The following SMAD3 variants were observed in gnomAD, a reference collection of about 807,000 sequenced individuals.
SMAD3 encodes SMAD family member 3, also known as MAD homolog 3.
SMAD3 carries 12 observed loss-of-function variants against 51.8 expected under a neutral mutation model. That is an observed-to-expected ratio of 0.23 (90% CI 0.15 to 0.38). SMAD3 has a LOEUF of 0.38. Among genes scored for constraint, SMAD3 ranks in the 10% least tolerant of loss-of-function variants. The pLI, the probability that SMAD3 is intolerant of heterozygous loss-of-function variation, is 1.00. For synonymous variants in SMAD3, 238 were observed against 227.7 expected, an observed-to-expected ratio of 1.05 and a Z score of -0.41; for missense variants, 294 against 565.6, an observed-to-expected ratio of 0.52 and a Z score of 4.87.
intron 1 of SMAD3, among the ~76,000 whole-genome samples, chr15:67,117,751 A>G (rs1248473071): frequency 6.6e-6 from 1 of 152,256 alleles, no homozygotes; most frequent in East Asian, 1.9e-4. Flanking sequence ...ATAGAAGCAC[A>G]TAGTACTAAG....
At chr15:67,080,669 A>C (rs988572563) in intron 1 of SMAD3, among the ~76,000 whole-genome samples, 3 of 152,168 alleles carry the variant, frequency 2.0e-5, no homozygotes, top group Non-Finnish European at 4.4e-5. Context: ...AGAATTTTGG[A>C]AGGCCTTGAG....
At chr15:67,085,762 C>T (rs540575682) in intron 1 of SMAD3, among the ~76,000 whole-genome samples, 34 of 152,096 alleles carry the variant, frequency 2.2e-4, no homozygotes, top group Middle Eastern at 3.4e-3. Flanking sequence ...CGGTATGTGG[C>T]CGGGATTGAG....
intron 7 of SMAD3, 108 bp downstream of exon 7, chr15:67,184,972 C>T (rs1963184782): frequency 1.0e-5 from 14 of 1,384,608 alleles, no homozygotes; most frequent in Middle Eastern, 2.5e-4. Flanking sequence ...CTCATGATTG[C>T]GTTGTCAATC....
At chr15:67,184,101 C>CTT (rs557069329) in intron 6 of SMAD3, among the ~76,000 whole-genome samples, 12 of 136,788 alleles carry the variant, frequency 8.8e-5, no homozygotes, top group African/African-American at 8.1e-5. Flanking sequence ...TCATCATTCC[C>CTT]TTTTTTTTTT....
chr15:67,141,431 G>A (rs567611153), intron 1 of SMAD3, among the ~76,000 whole-genome samples: 1 of 152,228 alleles, frequency 6.6e-6, no homozygotes, highest in Admixed American at 6.5e-5. Context: ...GGGGAATGTT[G>A]GGGAAAGACC....
At chr15:67,080,604 C>T (rs1364821105) in intron 1 of SMAD3, among the ~76,000 whole-genome samples, 1 of 152,176 alleles carries the variant, frequency 6.6e-6, no homozygotes, top group African/African-American at 2.4e-5. Flanking sequence ...TAGCTCTGGG[C>T]TTCAAAGGGA....
intron 8 of SMAD3, among the ~76,000 whole-genome samples, chr15:67,188,215 A>G (rs1963274986): frequency 7.3e-6 from 1 of 136,334 alleles, no homozygotes. Flanking sequence ...GAGTGGCACC[A>G]TCTTGGCTTA....
At chr15:67,165,486 C>G in intron 3 of SMAD3, 102 bp downstream of exon 3, 1 of 1,388,526 alleles carries the variant, frequency 7.2e-7, no homozygotes, top group Non-Finnish European at 1.0e-6. Context: ...CCGTCCCCCG[C>G]TCACCCCCTC....
chr15:67,066,644 T>A (rs1317723584), intron 1 of SMAD3, among the ~76,000 whole-genome samples: 3 of 152,098 alleles, frequency 2.0e-5, no homozygotes, highest in Non-Finnish European at 2.9e-5. Context: ...GGAGAGCGGG[T>A]TGCTGCGGGA....
rs141662896 is a variant in SMAD3, at chr15:67,128,976, G to A, written c.207-35919G>A. 3.3e-5 allele frequency among the ~76,000 whole-genome samples: 5 copies of A among 152,268 alleles called. No homozygotes were observed. In the East Asian group the frequency reaches 5.8e-4, roughly 18 times the overall value. ...TGCGTGGTGGATGGATGTCATTTGCGTTTTACAGATGCGGCAACAGAAACT... is the reference window on the plus strand; with the variant it reads ...TGCGTGGTGGATGGATGTCATTTGCATTTTACAGATGCGGCAACAGAAACT... On this transcript the variant is annotated intron_variant, in intron 1 of 8. Transcript: ENST00000327367.
intron 1 of SMAD3, among the ~76,000 whole-genome samples, chr15:67,152,471 C>T (rs983563692): frequency 6.6e-6 from 1 of 152,186 alleles, no homozygotes; most frequent in Non-Finnish European, 1.5e-5. Flanking sequence ...TTGTGACTTA[C>T]TCCATTTCAA....
At position 67,186,350 on chromosome 15, in the gene SMAD3, A is replaced by AC. The variant is rs1963222136; in HGVS notation, c.1010-1010dup. On this transcript the variant is annotated intron_variant, in intron 7 of 8. Transcript: ENST00000327367. ...TCTGCCTCTTCCATTCCCCGGCCCCACCCCCATCTTTTGGGTGAGGGCTGA... is the reference window on the plus strand; with the variant it reads ...TCTGCCTCTTCCATTCCCCGGCCCCACCCCCCATCTTTTGGGTGAGGGCTGA... Among the ~76,000 whole-genome samples, 4 of 151,688 alleles carry AC rather than the reference A, an allele frequency of 2.6e-5. No homozygotes were observed. The South Asian group carries it at 8.4e-4, about 32-fold the overall frequency.
chr15:67,149,546 G>A (rs115447926), intron 1 of SMAD3, among the ~76,000 whole-genome samples: 1 of 152,138 alleles, frequency 6.6e-6, no homozygotes, highest in Admixed American at 6.5e-5. Flanking sequence ...GTTAAGTGTG[G>A]GCCTGGCTTC....
intron 1 of SMAD3, among the ~76,000 whole-genome samples, chr15:67,093,975 G>T (rs1054012291): frequency 2.0e-5 from 3 of 152,234 alleles, no homozygotes; most frequent in Non-Finnish European, 4.4e-5. Context: ...TGGTTTACCC[G>T]AGGGGACACA....
At chr15:67,183,426 C>CA (rs34445740) in intron 6 of SMAD3, among the ~76,000 whole-genome samples, 44,532 of 151,748 alleles carry the variant, frequency 0.29, 6,932 homozygotes, top group East Asian at 0.55. Context: ...CTCTTACTGA[C>CA]ATGATACAGT....
At chr15:67,185,356 G>A (rs993715603) in intron 7 of SMAD3, among the ~76,000 whole-genome samples, 2 of 152,184 alleles carry the variant, frequency 1.3e-5, no homozygotes, top group Non-Finnish European at 2.9e-5. Flanking sequence ...TGTTGGGATG[G>A]ATCAGGGAAG....
chr15:67,166,709 C>T, intron 3 of SMAD3, 70 bp from the exon 4 acceptor site: 1 of 1,029,316 alleles, frequency 9.7e-7, no homozygotes, highest in Non-Finnish European at 1.5e-6. Flanking sequence ...TGTGTGATGT[C>T]TTTGCAAAAG....
intron 1 of SMAD3, among the ~76,000 whole-genome samples, chr15:67,106,132 T>C (rs1473246538): frequency 6.6e-6 from 1 of 152,136 alleles, no homozygotes; most frequent in African/African-American, 2.4e-5. Flanking sequence ...CCCGTCTCCC[T>C]CCTACCTGGT....
intron 1 of SMAD3, among the ~76,000 whole-genome samples, chr15:67,140,966 G>T (rs900663455): frequency 6.6e-6 from 1 of 152,166 alleles, no homozygotes; most frequent in African/African-American, 2.4e-5. Flanking sequence ...CAAAAATCAA[G>T]ATTTACACAC....
Sources: allele counts gnomAD v4.1 joint callset (sites outside exome capture counted in the v4.1 genomes callset), GRCh38; gene constraint gnomAD v4.1.1; transcripts MANE v1.5; gene names NCBI Gene and HGNC (gene_info 2026-07-23, HGNC 2026-07-21).